The following RIN2 variants were observed in gnomAD, a reference collection of about 807,000 sequenced individuals.
RIN2 encodes the protein RAB5 interacting protein 2.
RIN2 carries 36 observed loss-of-function variants against 78.0 expected under a neutral mutation model. That is an observed-to-expected ratio of 0.46 (90% CI 0.35 to 0.61). The LOEUF (loss-of-function observed/expected upper bound fraction) is 0.61, where lower values mean the gene tolerates loss of function less well. Ranked by LOEUF, RIN2 falls within the 20% of genes least tolerant of loss-of-function variation. The probability of loss-of-function intolerance (pLI) is 0.00; values close to 1 mark genes in which losing one functional copy is unlikely to be tolerated. For synonymous variants in RIN2, 466 were observed against 466.8 expected (o/e 1.00, Z 0.02); for missense variants, 1,087 against 1,159.7 (o/e 0.94, Z 0.91).
At chr20:19,891,603 G>T (rs1057017000) in intron 3 of RIN2, among the ~76,000 whole-genome samples, 1 of 152,160 alleles carries the variant, frequency 6.6e-6, no homozygotes, top group Non-Finnish European at 1.5e-5. Flanking sequence ...CGGATCACTT[G>T]AGGTCAGGAG....
chr20:19,918,351 C>T (rs1373627126), intron 3 of RIN2, among the ~76,000 whole-genome samples: 1 of 121,806 alleles, frequency 8.2e-6, no homozygotes, highest in Non-Finnish European at 1.6e-5. Context: ...CATACAAATA[C>T]ATTGTGTGTG....
chr20:19,895,531 A>G (rs1004541245), intron 3 of RIN2, among the ~76,000 whole-genome samples: 1 of 152,142 alleles, frequency 6.6e-6, no homozygotes, highest in Admixed American at 6.5e-5. Flanking sequence ...GACCAAGAAG[A>G]AAACATGTTT....
intron 7 of RIN2, among the ~76,000 whole-genome samples, chr20:19,965,724 G>A (rs1159961922): frequency 6.6e-6 from 1 of 152,148 alleles, no homozygotes; most frequent in African/African-American, 2.4e-5. Flanking sequence ...CAATTCTCCC[G>A]ACTCAGCCTC....
chr20:19,974,199 G>A (rs2042194424), intron 8 of RIN2, among the ~76,000 whole-genome samples: 1 of 152,188 alleles, frequency 6.6e-6, no homozygotes. Context: ...GGAACTTCAA[G>A]GCCCGATTCC....
intron 2 of RIN2, among the ~76,000 whole-genome samples, chr20:19,866,743 G>A (rs957547729): frequency 6.6e-6 from 1 of 152,112 alleles, no homozygotes; most frequent in African/African-American, 2.4e-5. Context: ...TCATGCCTCA[G>A]CCTCCTGAGT....
chr20:19,837,828 CCT>C (rs2036468042), intron 2 of RIN2, among the ~76,000 whole-genome samples: 1 of 151,546 alleles, frequency 6.6e-6, no homozygotes. Flanking sequence ...CTTCCCCTCC[CCT>C]GTCTCCTTTC....
At chr20:19,825,285 C>T (rs979511793) in intron 2 of RIN2, among the ~76,000 whole-genome samples, 3 of 152,180 alleles carry the variant, frequency 2.0e-5, no homozygotes, top group Non-Finnish European at 4.4e-5. Flanking sequence ...CCTTTCTTGA[C>T]AGCCCTGCTA....
At chr20:19,804,431 C>T (rs2035340773) in intron 2 of RIN2, among the ~76,000 whole-genome samples, 1 of 152,096 alleles carries the variant, frequency 6.6e-6, no homozygotes, top group Non-Finnish European at 1.5e-5. Flanking sequence ...CTATTGGATG[C>T]CTTTTCTACA....
intron 4 of RIN2, among the ~76,000 whole-genome samples, chr20:19,951,653 C>G (rs112797466): frequency 8.4e-6 from 1 of 118,628 alleles, no homozygotes; most frequent in Admixed American, 7.8e-5. Context: ...TTAGCATCCA[C>G]TCAATTTTTG....
chr20:19,934,340 A>G (rs1444509617), intron 3 of RIN2: 3 of 258,462 alleles, frequency 1.2e-5, no homozygotes, highest in Non-Finnish European at 1.8e-5. Flanking sequence ...GTACACTTAC[A>G]GTGCCTAGTA....
intron 1 of RIN2, among the ~76,000 whole-genome samples, chr20:19,793,556 C>T (rs530517299): frequency 3.1e-4 from 47 of 152,162 alleles, no homozygotes; most frequent in African/African-American, 1.1e-3. Context: ...TACTCCAGGG[C>T]ACTATCTTCA....
chr20:20,001,653 C>T lies in RIN2; in HGVS notation c.*717C>T, dbSNP rs1032304953. On this transcript the variant is annotated 3_prime_UTR_variant, in exon 13 of 13. Transcript: ENST00000255006. ...TTCTTAAAGCAACGTATTCCTGACA[C>T]TGGCCACAGAATGCCTTTGGAAATC... 1.3e-5 allele frequency: 2 copies of T among 152,578 alleles called. No homozygotes were observed. The highest frequency in any genetic ancestry group is 4.8e-5 in the African/African-American group (2 of 41,440). The allele number at this position is 152,578 out of a possible 1,614,324, so 9.5% of individuals were successfully genotyped here.
intron 1 of RIN2, among the ~76,000 whole-genome samples, chr20:19,784,789 C>G (rs1020810335): frequency 6.6e-6 from 1 of 151,950 alleles, no homozygotes; most frequent in Non-Finnish European, 1.5e-5. Context: ...GTGATGCAGC[C>G]CAGATCACAT....
intron 2 of RIN2, among the ~76,000 whole-genome samples, chr20:19,860,848 C>T (rs2037312639): frequency 6.6e-6 from 1 of 152,100 alleles, no homozygotes; most frequent in African/African-American, 2.4e-5. Context: ...TTTACATCCC[C>T]ATAGTTGAGT....
At chr20:19,989,457 G>C (rs1244957758) in intron 9 of RIN2, among the ~76,000 whole-genome samples, 5 of 151,850 alleles carry the variant, frequency 3.3e-5, no homozygotes, top group Non-Finnish European at 7.4e-5. Context: ...TGTATTTTTA[G>C]TAGAGATGGG....
intron 3 of RIN2, among the ~76,000 whole-genome samples, chr20:19,932,206 G>A (rs2146105377): frequency 6.6e-6 from 1 of 152,290 alleles, no homozygotes; most frequent in Admixed American, 6.5e-5. Flanking sequence ...CAAAGACGTG[G>A]TTTCCTGACA....
chr20:19,935,060 T>A, intron 3 of RIN2, 39 bp from the exon 4 acceptor site: 1 of 1,513,448 alleles, frequency 6.6e-7, no homozygotes, highest in East Asian at 2.4e-5. Flanking sequence ...GCCACGCCTC[T>A]CCACTTCCTG....
intron 3 of RIN2, among the ~76,000 whole-genome samples, chr20:19,893,336 A>G (rs2038570262): frequency 6.6e-6 from 1 of 152,212 alleles, no homozygotes; most frequent in Non-Finnish European, 1.5e-5. Context: ...TCCTGGTCAC[A>G]TTCTTGGCTC....
At chr20:19,884,977 G>A (rs1388917397) in intron 2 of RIN2, among the ~76,000 whole-genome samples, 3 of 152,054 alleles carry the variant, frequency 2.0e-5, no homozygotes, top group Admixed American at 1.3e-4. Flanking sequence ...TTACAATAAC[G>A]AGGTCTTGTT....
Sources: gnomAD v4.1 joint callset for allele counts (sites outside exome capture counted in the v4.1 genomes callset) on GRCh38, gnomAD v4.1.1 for gene constraint, MANE v1.5 for transcripts, NCBI Gene and HGNC (gene_info 2026-07-23, HGNC 2026-07-21) for gene names.